MRPL3: variants seen among roughly 807,000 people sequenced by gnomAD.
MRPL3 encodes the protein mitochondrial ribosomal protein L3.
In MRPL3, 43 loss-of-function variants were observed where a neutral mutation model predicts 44.3. The ratio of observed to expected loss-of-function variants is 0.97; its 90% confidence interval spans 0.76 to 1.25. The LOEUF (loss-of-function observed/expected upper bound fraction) is 1.25, where lower values mean the gene tolerates loss of function less well. MRPL3 is among the 50% of genes most tolerant of loss of function. The pLI is 0.00. For missense variants in MRPL3, 406 were observed against 427.6 expected (o/e 0.95, Z 0.45); for synonymous variants, 171 against 152.3 (o/e 1.12, Z -0.91).
chr3:131,495,175 A>G (rs1934339947), intron 4 of MRPL3, among the ~76,000 whole-genome samples: 1 of 152,168 alleles, frequency 6.6e-6, no homozygotes, highest in Non-Finnish European at 1.5e-5. Flanking sequence ...TAGATATATG[A>G]AATTTTATAT....
chr3:131,470,329 C>T (rs149834372), intron 7 of MRPL3, among the ~76,000 whole-genome samples: 3 of 152,140 alleles, frequency 2.0e-5, no homozygotes, highest in East Asian at 1.9e-4. Flanking sequence ...GCTCTGATAA[C>T]GGGTAATAGT....
chr3:131,487,493 C>T (rs1191015559), intron 6 of MRPL3, 187 bp downstream of exon 6: 2 of 560,630 alleles, frequency 3.6e-6, no homozygotes, highest in Non-Finnish European at 6.3e-6. Flanking sequence ...TGATGTGAAC[C>T]CTTTACATAC....
At position 131,471,290 on chromosome 3, in the gene MRPL3, C is replaced by A; in HGVS notation, c.630-11G>T. ...AAACCTTTACCAATACTGAACAAAACAAACGTTAGAATTTACATAATGAAA... is the reference window on the plus strand; with the variant it reads ...AAACCTTTACCAATACTGAACAAAAAAAACGTTAGAATTTACATAATGAAA... On this transcript the variant is annotated splice_polypyrimidine_tract_variant and intron_variant, in intron 6 of 9. Coordinates refer to ENST00000264995, the MANE Select transcript of MRPL3 (RefSeq NM_007208.4). 6.4e-7 allele frequency: 1 copy of A among 1,566,364 alleles called. No homozygotes were observed. The highest frequency in any genetic ancestry group is 8.8e-7 in the Non-Finnish European group (1 of 1,136,766).
At chr3:131,468,020 T>C (rs574089607) in intron 9 of MRPL3, 71 bp downstream of exon 9, 24 of 762,864 alleles carry the variant, frequency 3.1e-5, no homozygotes, top group African/African-American at 1.5e-4. Flanking sequence ...AAAATAAAGA[T>C]AGTAATTTGT....
In MRPL3 at chr3:131,487,703, C is replaced by T. The variant is rs1437340293; in HGVS notation, c.606G>A (p.Gln202=). 2 of 1,611,420 alleles carry T rather than the reference C, an allele frequency of 1.2e-6. No homozygotes were observed. The highest frequency in any genetic ancestry group is 1.1e-5 in the South Asian group (1 of 90,212). Residue 202 remains glutamine, a synonymous_variant, in exon 6 of 10, where the codon CAG becomes CAA. Transcript: ENST00000264995. ...ACGTTTTGGCTGTGACATCCACATA[C>T]TGTCCTGGACGAAAGTGAGCAGCAT... is the stretch of plus-strand genomic sequence containing the variant. ...PLYAAHFRPG[Q]YVDVTAKTIG...
rs1022607124 is a variant in MRPL3 at position 131,475,862 on chromosome 3, C to G, written c.630-4583G>C. 2.0e-5 allele frequency among the ~76,000 whole-genome samples: 3 copies of G among 152,062 alleles called. No individual in the cohort carries two copies. In the East Asian group the frequency reaches 5.8e-4, roughly 29 times the overall value. On this transcript the variant is annotated intron_variant, in intron 6 of 9. Transcript: ENST00000264995. Reference sequence around the variant, plus strand: ...CAATTTAAAAATGAAAAGGAAATACCTAAAGAGTAATTTGAACTTACCATA... The same window carrying G: ...CAATTTAAAAATGAAAAGGAAATACGTAAAGAGTAATTTGAACTTACCATA...
rs181345789 is a variant in MRPL3 at position 131,496,670 on chromosome 3, T to A, written c.468+1509A>T. Among the ~76,000 whole-genome samples, 227 of 152,302 alleles carry A rather than the reference T, an allele frequency of 1.5e-3. 1 individual carries two copies. The highest frequency in any genetic ancestry group is 5.1e-3 in the African/African-American group (211 of 41,568). ...CCTTTCCAATCCCTGCCCCTTCCAA[T>A]CTCAATGCAACTGCCTTGCTTCTAA... On this transcript the variant is annotated intron_variant, in intron 4 of 9. Coordinates refer to ENST00000264995, the MANE Select transcript of MRPL3 (RefSeq NM_007208.4).
At chr3:131,484,236 T>G (rs1223849416) in intron 6 of MRPL3, among the ~76,000 whole-genome samples, 1 of 152,174 alleles carries the variant, frequency 6.6e-6, no homozygotes, top group Non-Finnish European at 1.5e-5. Flanking sequence ...TCCAGCCCAG[T>G]GGTTCTCAAT....
intron 3 of MRPL3, 32 bp downstream of exon 3, chr3:131,500,398 G>A (rs1336071882): frequency 1.3e-6 from 2 of 1,527,994 alleles, no homozygotes; most frequent in Non-Finnish European, 1.8e-6. Flanking sequence ...GAAACACATA[G>A]ATATCTCTTA....
rs1448931086 is a variant in MRPL3, at chr3:131,502,541, CGTTTT to C, written c.92+184_92+188del. Among the ~76,000 whole-genome samples the C allele has an allele frequency of 1.0e-3, 157 of 152,300 alleles. 1 individual carries two copies. Among genetic ancestry groups the C allele is most frequent in the African/African-American group, 3.7e-3 (154 of 41,574 alleles). The stretch of plus-strand genomic sequence containing the variant: ...TCGCTGCTAGTGGCTGGCTCATAAG[CGTTTT>C]TTAAAAATCACCACTTCAATCCCCT... On this transcript the variant is annotated intron_variant, in intron 1 of 9. Transcript: ENST00000264995.
chr3:131,499,858 C>T (rs1302391131), intron 3 of MRPL3, among the ~76,000 whole-genome samples: 2 of 152,146 alleles, frequency 1.3e-5, no homozygotes, highest in African/African-American at 4.8e-5. Context: ...ACACAATAAC[C>T]TTTTGAAGTA....
intron 6 of MRPL3, 118 bp downstream of exon 6, chr3:131,487,562 A>G: frequency 6.1e-6 from 5 of 813,800 alleles, no homozygotes; most frequent in Non-Finnish European, 9.8e-6. Context: ...TGAATTCAGA[A>G]TGAGAAATAT....
At position 131,490,082 on chromosome 3, in the gene MRPL3, T is replaced by C; in HGVS notation, c.469-2A>G. On this transcript the variant is annotated splice_acceptor_variant, in intron 4 of 9. Coordinates refer to ENST00000264995, the MANE Select transcript of MRPL3 (RefSeq NM_007208.4). LOFTEE classifies it high-confidence loss of function. The stretch of plus-strand genomic sequence containing the variant: ...AAATTCCAATATGGATGTAGCTTTC[T>C]AGAGGAAAAGCAGCACATATAAGTA... 2.5e-6 allele frequency: 4 copies of C among 1,594,024 alleles called. No homozygotes were observed. The highest frequency in any genetic ancestry group is 3.4e-6 in the Non-Finnish European group (4 of 1,162,178).
intron 2 of MRPL3, 105 bp from the exon 3 acceptor site, chr3:131,500,626 C>T (rs767180708): frequency 6.8e-5 from 57 of 837,766 alleles, no homozygotes; most frequent in Non-Finnish European, 9.3e-5. Flanking sequence ...GGAGCAGGCA[C>T]GTAAGAAATA....
intron 6 of MRPL3, among the ~76,000 whole-genome samples, chr3:131,474,502 A>C (rs1481484402): frequency 1.3e-5 from 2 of 152,158 alleles, no homozygotes; most frequent in African/African-American, 4.8e-5. Context: ...GGTTAACAGT[A>C]AATTATTATA....
At chr3:131,483,117 A>G (rs1934030244) in intron 6 of MRPL3, among the ~76,000 whole-genome samples, 1 of 152,072 alleles carries the variant, frequency 6.6e-6, no homozygotes, top group African/African-American at 2.4e-5. Context: ...TATACATTAT[A>G]GCTGTTCCCT....
At chr3:131,487,564 G>A (rs939862518) in intron 6 of MRPL3, 116 bp downstream of exon 6, 7 of 821,708 alleles carry the variant, frequency 8.5e-6, no homozygotes, top group Non-Finnish European at 1.4e-5. Flanking sequence ...AATTCAGAAT[G>A]AGAAATATAT....
intron 8 of MRPL3, 94 bp downstream of exon 8, chr3:131,469,602 A>G (rs1463631908): frequency 4.7e-6 from 4 of 844,120 alleles, no homozygotes; most frequent in Non-Finnish European, 1.9e-6. Flanking sequence ...AGCCTCTTAG[A>G]ACAATGGTAC....
chr3:131,500,072 A>C (rs1338786159), intron 3 of MRPL3, among the ~76,000 whole-genome samples: 1 of 152,230 alleles, frequency 6.6e-6, no homozygotes, highest in Non-Finnish European at 1.5e-5. Context: ...TTCTGTTAGC[A>C]AAAAGATCAA....
Sources: allele counts gnomAD v4.1 joint callset (sites outside exome capture counted in the v4.1 genomes callset), GRCh38; gene constraint gnomAD v4.1.1; transcripts MANE v1.5; gene names NCBI Gene and HGNC (gene_info 2026-07-23, HGNC 2026-07-21).